The following FYB2 variants were observed in gnomAD, a reference collection of about 807,000 sequenced individuals.
The protein encoded by FYB2 is FYN binding protein 2.
In FYB2, 103 loss-of-function variants were observed where a neutral mutation model predicts 94.1. The ratio of observed to expected loss-of-function variants is 1.09; its 90% CI spans 0.93 to 1.29. FYB2 has a LOEUF of 1.29. FYB2 is among the 50% of genes most tolerant of loss of function. The pLI, the probability that FYB2 is intolerant of heterozygous loss-of-function variation, is 0.00. For synonymous variants in FYB2, 293 were observed against 287.9 expected (o/e 1.02, Z -0.18); for missense variants, 896 against 841.5 (o/e 1.06, Z -0.80).
chr1:56,789,417 C>T (rs190338098), intron 2 of FYB2, among the ~76,000 whole-genome samples: 1 of 152,294 alleles, frequency 6.6e-6, no homozygotes, highest in East Asian at 1.9e-4. Flanking sequence ...CTTGCTTCCC[C>T]CCACTTAAAG....
At chr1:56,812,409 A>G (rs904838413) in intron 1 of FYB2, among the ~76,000 whole-genome samples, 7 of 152,212 alleles carry the variant, frequency 4.6e-5, no homozygotes, top group Middle Eastern at 3.2e-3. Context: ...GAATTTGAAT[A>G]CTGATTCTAC....
rs76032212 is a variant in FYB2 at position 56,736,196 on chromosome 1, T to C, written c.1793+891A>G. On this transcript the variant is annotated intron_variant, in intron 15 of 19. Transcript: ENST00000343433. ...GGATGGCATAGTTCATATTTTAAGA[T>C]ATAGAGAAGACAAATAAAGGCTTAA... is the stretch of plus-strand genomic sequence containing the variant. Among the ~76,000 whole-genome samples the C allele has an allele frequency of 5.1e-3, 779 of 152,178 alleles. 34 individuals carry two copies. In the East Asian group the frequency reaches 0.097, roughly 19 times the overall value.
chr1:56,760,525 C>A (rs1243248676), intron 5 of FYB2, among the ~76,000 whole-genome samples: 1 of 151,910 alleles, frequency 6.6e-6, no homozygotes, highest in African/African-American at 2.4e-5. Context: ...TTAAAAATAC[C>A]TGTTTGTGAT....
intron 1 of FYB2, among the ~76,000 whole-genome samples, chr1:56,795,081 A>G (rs1212017304): frequency 6.6e-6 from 1 of 151,446 alleles, no homozygotes; most frequent in South Asian, 2.1e-4. Flanking sequence ...GTAGGTTCAC[A>G]TTGTTGTGTA....
intron 2 of FYB2, 66 bp downstream of exon 2, chr1:56,791,990 G>T: frequency 6.6e-7 from 1 of 1,511,024 alleles, no homozygotes; most frequent in Non-Finnish European, 8.8e-7. Context: ...GAATCAACAG[G>T]TTTTCAAGTA....
intron 1 of FYB2, among the ~76,000 whole-genome samples, chr1:56,802,548 A>C (rs1405688970): frequency 2.0e-5 from 3 of 152,240 alleles, no homozygotes; most frequent in African/African-American, 7.2e-5. Context: ...GCATAGACAC[A>C]GGCATGGAGG....
At chr1:56,819,016 A>G (rs1350800655) in intron 1 of FYB2, among the ~76,000 whole-genome samples, 1 of 152,206 alleles carries the variant, frequency 6.6e-6, no homozygotes, top group Non-Finnish European at 1.5e-5. Flanking sequence ...GGCTGGGTAG[A>G]GCTAGGCCAC....
In FYB2 at chr1:56,726,532, T is replaced by C; in HGVS notation, c.1845A>G (p.Glu615=). 1.2e-6 allele frequency: 2 copies of C among 1,612,474 alleles called. No homozygotes were observed. The highest frequency in any genetic ancestry group is 8.5e-7 in the Non-Finnish European group (1 of 1,179,040). ...CTTCAGCACCGTTTTTCTCTTTTTT[T>C]TCCTTTGGTGTCAGAAACTTGGGCT... The part of the protein sequence containing the change: ...MWKPKFLTPK[E]KKEKNGAEES... Residue 615 remains glutamate, a synonymous_variant, in exon 16 of 20, where the codon GAA becomes GAG. Transcript: ENST00000343433.
intron 1 of FYB2, among the ~76,000 whole-genome samples, chr1:56,800,373 A>G (rs61765533): frequency 0.2 from 29,711 of 152,150 alleles, 3,690 homozygotes; most frequent in Non-Finnish European, 0.27. Context: ...ATTAATTCCT[A>G]TGAAGGGATA....
At chr1:56,739,381 A>T (rs1644900869) in intron 13 of FYB2, among the ~76,000 whole-genome samples, 1 of 152,008 alleles carries the variant, frequency 6.6e-6, no homozygotes, top group African/African-American at 2.4e-5. Context: ...CCATATCAGG[A>T]CTACAATTTA....
Position 56,763,058 on chromosome 1 carries a change from C to G in FYB2, c.1064-4308G>C, listed in dbSNP as rs547989807. 1.5e-3 allele frequency among the ~76,000 whole-genome samples: 229 copies of G among 152,230 alleles called. 1 individual carries two copies. Among genetic ancestry groups the G allele is most frequent in the Middle Eastern group, 3.4e-3 (1 of 294 alleles). The stretch of plus-strand genomic sequence containing the variant: ...ATTTTGTTGATTTTTGAATATTGAA[C>G]CAGCTTTGCATCTCTGCACCCTTAT... On this transcript the variant is annotated intron_variant, in intron 5 of 19. Transcript: ENST00000343433.
At chr1:56,720,360 C>A (rs1175170159) in intron 17 of FYB2, 31 bp from the exon 18 acceptor site, 4 of 1,548,378 alleles carry the variant, frequency 2.6e-6, no homozygotes, top group Non-Finnish European at 3.5e-6. Context: ...TCAGACCATT[C>A]TTGCATAGTT....
At chr1:56,747,252 T>C (rs1477545135) in intron 9 of FYB2, among the ~76,000 whole-genome samples, 2 of 151,896 alleles carry the variant, frequency 1.3e-5, no homozygotes, top group African/African-American at 4.8e-5. Context: ...CACTCTTTTT[T>C]AACTTTTTTT....
At chr1:56,825,965 C>T in the FYB2 span, among the ~76,000 whole-genome samples, 14 of 152,220 alleles carry the variant, frequency 9.2e-5, no homozygotes, top group African/African-American at 3.4e-4. Context: ...TTTCCTGACT[C>T]CCATTGATCC....
At chr1:56,794,395 T>C (rs1486604754) in intron 1 of FYB2, among the ~76,000 whole-genome samples, 2 of 152,192 alleles carry the variant, frequency 1.3e-5, no homozygotes, top group African/African-American at 4.8e-5. Flanking sequence ...AATGGAGCCA[T>C]TGCAAAAAAT....
intron 5 of FYB2, among the ~76,000 whole-genome samples, chr1:56,762,699 T>G (rs932156622): frequency 6.6e-6 from 1 of 152,232 alleles, no homozygotes; most frequent in South Asian, 2.1e-4. Context: ...TAGTTTTATT[T>G]ATTCCTTTTC....
intron 7 of FYB2, among the ~76,000 whole-genome samples, chr1:56,755,178 A>G (rs1645296171): frequency 6.6e-6 from 1 of 152,234 alleles, no homozygotes; most frequent in South Asian, 2.1e-4. Flanking sequence ...GGACCCAAGA[A>G]GTGTGAGAGG....
chr1:56,742,953 A>T lies in FYB2; in HGVS notation c.1544-732T>A, dbSNP rs920821816. ...TTTTCTAAAATTTATTTTAAAATTG[A>T]CAAATAATAATTATATATACTTATG... On this transcript the variant is annotated intron_variant, in intron 11 of 19. Coordinates refer to ENST00000343433, the MANE Select transcript of FYB2 (RefSeq NM_001004303.5). 4.6e-5 allele frequency among the ~76,000 whole-genome samples: 7 copies of T among 151,994 alleles called. 1 individual carries two copies. The highest frequency in any genetic ancestry group is 1.5e-5 in the Non-Finnish European group (1 of 67,980).
At chr1:56,821,333 A>G (rs1320877528), upstream of FYB2, among the ~76,000 whole-genome samples, 2 of 152,120 alleles carry the variant, frequency 1.3e-5, no homozygotes, top group Non-Finnish European at 2.9e-5. Flanking sequence ...CTGGCTAGTT[A>G]CAGTGCTAGG....
Sources: gnomAD v4.1 joint callset for allele counts (sites outside exome capture counted in the v4.1 genomes callset) on GRCh38, gnomAD v4.1.1 for gene constraint, MANE v1.5 for transcripts, NCBI Gene and HGNC (gene_info 2026-07-23, HGNC 2026-07-21) for gene names.